Variants in ARFGEF3 observed in about 807,000 individuals in gnomAD.
The protein encoded by ARFGEF3 is ARFGEF family member 3.
In ARFGEF3, 96 loss-of-function variants were observed where a neutral mutation model predicts 221.7. The ratio of observed to expected loss-of-function variants is 0.43; its 90% confidence interval spans 0.37 to 0.51. The LOEUF (loss-of-function observed/expected upper bound fraction) is 0.51, where lower values mean the gene tolerates loss of function less well. ARFGEF3 is among the 20% of genes least tolerant of loss of function. ARFGEF3 has a pLI of 0.00. For synonymous variants in ARFGEF3, 1,145 were observed against 1,126.8 expected (o/e 1.02, Z -0.32); for missense variants, 2,410 against 2,789.9 (o/e 0.86, Z 3.07).
chr6:138,305,278 T>C (rs1779699179), intron 22 of ARFGEF3, among the ~76,000 whole-genome samples: 1 of 151,206 alleles, frequency 6.6e-6, no homozygotes, highest in African/African-American at 2.4e-5. Context: ...CAATATTCTT[T>C]ATGAAATTAG....
intron 1 of ARFGEF3, among the ~76,000 whole-genome samples, chr6:138,167,306 C>T (rs557681423): frequency 6.6e-6 from 1 of 152,340 alleles, no homozygotes; most frequent in East Asian, 1.9e-4. Context: ...ATACCCACAG[C>T]TTCAGCTCCA....
intron 4 of ARFGEF3, among the ~76,000 whole-genome samples, chr6:138,229,409 G>A (rs1778150479): frequency 6.6e-6 from 1 of 152,204 alleles, no homozygotes; most frequent in Admixed American, 6.5e-5. Flanking sequence ...GGTCAACCTA[G>A]ATAATTCATG....
chr6:138,250,657 CCTTG>C (rs1475381342), intron 8 of ARFGEF3, among the ~76,000 whole-genome samples: 1 of 152,254 alleles, frequency 6.6e-6, no homozygotes, highest in African/African-American at 2.4e-5. Context: ...CTCCCAGTAG[CCTTG>C]CCAGGAGGGG....
chr6:138,181,123 C>G (rs79700657), intron 2 of ARFGEF3, among the ~76,000 whole-genome samples: 1 of 152,296 alleles, frequency 6.6e-6, no homozygotes, highest in East Asian at 1.9e-4. Context: ...ACAATTAGCT[C>G]TCCATTACAA....
rs1780422490 is a variant in ARFGEF3 at position 138,341,048 on chromosome 6, A to G, written c.*4562A>G. ...CAGTGTTACTTTAGAAAACTCACTG[A>G]ATTAGGTGGAAATGATGGAATAATA... is the stretch of plus-strand genomic sequence containing the variant. On this transcript the variant is annotated 3_prime_UTR_variant, in exon 34 of 34. Coordinates refer to ENST00000251691, the MANE Select transcript of ARFGEF3 (RefSeq NM_020340.5). 1 of 152,338 alleles carries G rather than the reference A, an allele frequency of 6.6e-6. No homozygotes were observed. Among genetic ancestry groups the G allele is most frequent in the Admixed American group, 6.5e-5 (1 of 15,286 alleles). The allele number at this position is 152,338 out of a possible 1,614,324, so 9.4% of individuals were successfully genotyped here.
At chr6:138,316,779 A>C (rs1779933262) in intron 26 of ARFGEF3, among the ~76,000 whole-genome samples, 2 of 152,246 alleles carry the variant, frequency 1.3e-5, no homozygotes. Context: ...AGATGAAAAC[A>C]TCTTGGAAAC....
chr6:138,333,465 A>G (rs1283822391), intron 32 of ARFGEF3, among the ~76,000 whole-genome samples: 3 of 152,132 alleles, frequency 2.0e-5, no homozygotes, highest in African/African-American at 4.8e-5. Context: ...TTTTTGAGAC[A>G]GAGTCTTGCT....
Position 138,247,258 on chromosome 6 carries a change from C to T in ARFGEF3, c.665+1667C>T, listed in dbSNP as rs76138025. ...TGGCGTGTTGGAACAGTGGAGCTGGCACTCAGATTACCATCCTAACTGAGG... is the reference window on the plus strand; with the variant it reads ...TGGCGTGTTGGAACAGTGGAGCTGGTACTCAGATTACCATCCTAACTGAGG... On this transcript the variant is annotated intron_variant, in intron 8 of 33. Coordinates refer to ENST00000251691, the MANE Select transcript of ARFGEF3 (RefSeq NM_020340.5). Among the ~76,000 whole-genome samples the T allele has an allele frequency of 1.8e-4, 28 of 152,274 alleles. No individual in the cohort carries two copies. In the East Asian group the frequency reaches 5.2e-3, roughly 28 times the overall value.
chr6:138,286,587 T>C (rs1779299165), intron 15 of ARFGEF3, 114 bp from the exon 16 acceptor site: 1 of 772,820 alleles, frequency 1.3e-6, no homozygotes, highest in Non-Finnish European at 2.2e-6. Context: ...TATTTCCTGT[T>C]GTAGAATTGC....
chr6:138,279,973 C>A, intron 13 of ARFGEF3, 26 bp from the exon 14 acceptor site: 1 of 1,611,736 alleles, frequency 6.2e-7, no homozygotes, highest in South Asian at 1.1e-5. Flanking sequence ...GTTATGTGGT[C>A]ACCTTCTCAT....
intron 26 of ARFGEF3, 148 bp from the exon 27 acceptor site, chr6:138,317,103 T>A (rs962061312): frequency 5.6e-6 from 4 of 718,584 alleles, no homozygotes; most frequent in Non-Finnish European, 6.7e-6. Context: ...TCTGTTCATG[T>A]CTATGGCCAC....
In ARFGEF3 at chr6:138,263,136, A is replaced by G. The variant is rs890670567; in HGVS notation, c.1653A>G (p.Val551=). 5 of 1,614,020 alleles carry G rather than the reference A, an allele frequency of 3.1e-6. No homozygotes were observed. The highest frequency in any genetic ancestry group is 1.6e-4 in the Middle Eastern group (1 of 6,062). The change falls in exon 12 of 34, where the codon GTA becomes GTG. Residue 551 remains valine (V), a synonymous_variant. Coordinates refer to ENST00000251691, the MANE Select transcript of ARFGEF3 (RefSeq NM_020340.5). ...AGGGTAAGGAGACGCTGAGCAAAGT[A>G]TTGGAAACAGAGGCGGTAGACCAGC... ...IPEGKETLSK[V]LETEAVDQPD...
chr6:138,236,867 CTAAA>C (rs931308486), intron 5 of ARFGEF3, among the ~76,000 whole-genome samples: 6 of 152,168 alleles, frequency 3.9e-5, no homozygotes, highest in African/African-American at 1.4e-4. Context: ...GTCACGTGCC[CTAAA>C]TACTTTTATG....
At chr6:138,298,974 C>T (rs756212987) in intron 22 of ARFGEF3, among the ~76,000 whole-genome samples, 189 bp downstream of exon 22, 9 of 152,058 alleles carry the variant, frequency 5.9e-5, no homozygotes, top group Admixed American at 2.0e-4. Flanking sequence ...CCAAGGTGGG[C>T]GGATCACGAG....
intron 2 of ARFGEF3, among the ~76,000 whole-genome samples, chr6:138,188,503 T>C (rs1002464372): frequency 6.6e-6 from 1 of 152,248 alleles, no homozygotes; most frequent in Non-Finnish European, 1.5e-5. Flanking sequence ...ATATTTGTTT[T>C]TCTTCCAGCA....
chr6:138,205,689 C>A (rs925021107), intron 2 of ARFGEF3, among the ~76,000 whole-genome samples: 28 of 152,180 alleles, frequency 1.8e-4, no homozygotes, highest in African/African-American at 6.8e-4. Flanking sequence ...GGTAATTTAT[C>A]CATCTGTCAA....
At chr6:138,247,321 C>T (rs1480899356) in intron 8 of ARFGEF3, among the ~76,000 whole-genome samples, 1 of 152,170 alleles carries the variant, frequency 6.6e-6, no homozygotes, top group Non-Finnish European at 1.5e-5. Flanking sequence ...TCTGTAAGGC[C>T]CCTATGCCAC....
At chr6:138,200,270 A>G (rs982116739) in intron 2 of ARFGEF3, among the ~76,000 whole-genome samples, 6 of 152,188 alleles carry the variant, frequency 3.9e-5, no homozygotes. Flanking sequence ...TATAAATTCA[A>G]CACAATCCCC....
chr6:138,174,046 T>C (rs553280480), intron 2 of ARFGEF3, among the ~76,000 whole-genome samples: 2 of 152,256 alleles, frequency 1.3e-5, no homozygotes, highest in Non-Finnish European at 2.9e-5. Flanking sequence ...GATGTGAGCC[T>C]TGCATTCAAA....
Sources: gnomAD v4.1 joint callset for allele counts (sites outside exome capture counted in the v4.1 genomes callset) on GRCh38, gnomAD v4.1.1 for gene constraint, MANE v1.5 for transcripts, NCBI Gene and HGNC (gene_info 2026-07-23, HGNC 2026-07-21) for gene names.